B3GALT1: variants seen among roughly 807,000 people sequenced by gnomAD.
B3GALT1 encodes the protein UDP-Gal:betaGlcNAc beta 1,3-galactosyltransferase, polypeptide 1.
B3GALT1 carries 10 observed loss-of-function variants against 23.2 expected under a neutral mutation model. The ratio of observed to expected loss-of-function variants is 0.43; its 90% CI spans 0.27 to 0.73. B3GALT1 has a LOEUF of 0.73. Among genes scored for constraint, B3GALT1 ranks in the 30% least tolerant of loss-of-function variants. The pLI, the probability that B3GALT1 is intolerant of heterozygous loss-of-function variation, is 0.21. For synonymous variants in B3GALT1, 156 were observed against 141.5 expected, an observed-to-expected ratio of 1.10 and a Z score of -0.73; for missense variants, 299 against 405.4, an observed-to-expected ratio of 0.74 and a Z score of 2.25.
intron 1 of B3GALT1, among the ~76,000 whole-genome samples, chr2:167,331,236 C>T (rs935387629): frequency 2.6e-5 from 4 of 152,134 alleles, no homozygotes; most frequent in African/African-American, 9.7e-5. Flanking sequence ...ATGATCACAG[C>T]GGGCTGAACA....
At chr2:167,346,013 A>T (rs1007620737) in intron 1 of B3GALT1, among the ~76,000 whole-genome samples, 12 of 151,124 alleles carry the variant, frequency 7.9e-5, no homozygotes, top group Non-Finnish European at 1.5e-4. Flanking sequence ...TGGTCATCTT[A>T]TCTAGATACT....
At chr2:167,459,998 T>C (rs1267399713) in intron 1 of B3GALT1, among the ~76,000 whole-genome samples, 3 of 144,784 alleles carry the variant, frequency 2.1e-5, no homozygotes, top group Non-Finnish European at 4.4e-5. Context: ...TGAGAATCCC[T>C]GTATGTGAGA....
At chr2:167,854,781 G>C (rs1689967605) in intron 4 of B3GALT1, among the ~76,000 whole-genome samples, 1 of 152,126 alleles carries the variant, frequency 6.6e-6, no homozygotes, top group African/African-American at 2.4e-5. Flanking sequence ...AGAGGAGTTG[G>C]CTAAACTGCC....
intron 2 of B3GALT1, among the ~76,000 whole-genome samples, chr2:167,624,150 A>G (rs1364001267): frequency 6.6e-6 from 1 of 152,054 alleles, no homozygotes; most frequent in Non-Finnish European, 1.5e-5. Flanking sequence ...CAGGCCTCAA[A>G]CCAAGATGTT....
chr2:167,562,325 C>G (rs188460911), intron 2 of B3GALT1, among the ~76,000 whole-genome samples: 5,175 of 152,232 alleles, frequency 0.034, 148 homozygotes, highest in African/African-American at 0.081. Context: ...TAAGAGCTAT[C>G]TATGACAAAC....
intron 1 of B3GALT1, among the ~76,000 whole-genome samples, chr2:167,456,900 T>A (rs1342865006): frequency 6.6e-6 from 1 of 152,112 alleles, no homozygotes; most frequent in Non-Finnish European, 1.5e-5. Flanking sequence ...GTAGGCATGA[T>A]TAATTAAATC....
intron 3 of B3GALT1, among the ~76,000 whole-genome samples, chr2:167,762,258 A>G (rs552917822): frequency 6.6e-6 from 1 of 152,326 alleles, no homozygotes; most frequent in East Asian, 1.9e-4. Context: ...TGAAAATAAG[A>G]TTTAAAACAA....
chr2:167,411,569 T>A (rs1035722797), intron 1 of B3GALT1, among the ~76,000 whole-genome samples: 3 of 152,138 alleles, frequency 2.0e-5, no homozygotes, highest in African/African-American at 7.2e-5. Context: ...GGCAATGACA[T>A]CTGCTGGTGA....
chr2:167,836,827 T>G (rs1260326508), intron 4 of B3GALT1, among the ~76,000 whole-genome samples: 1 of 152,172 alleles, frequency 6.6e-6, no homozygotes, highest in Admixed American at 6.5e-5. Flanking sequence ...ACAGCGGATC[T>G]CTCGGGAGAA....
chr2:167,668,584 G>A (rs112642952), intron 3 of B3GALT1, among the ~76,000 whole-genome samples: 3 of 152,170 alleles, frequency 2.0e-5, no homozygotes, highest in African/African-American at 4.8e-5. Flanking sequence ...TCAGACTGCT[G>A]TGCTAGCAAT....
intron 3 of B3GALT1, among the ~76,000 whole-genome samples, chr2:167,803,515 T>C (rs1284749543): frequency 6.6e-6 from 1 of 152,168 alleles, no homozygotes; most frequent in Non-Finnish European, 1.5e-5. Context: ...TTGGAAAACA[T>C]GTTGTTGGAT....
At chr2:167,342,645 AG>A (rs1211221912) in intron 1 of B3GALT1, among the ~76,000 whole-genome samples, 4 of 151,736 alleles carry the variant, frequency 2.6e-5, no homozygotes, top group African/African-American at 7.3e-5. Flanking sequence ...GCTGGAAATG[AG>A]TGCATGCCAC....
intron 3 of B3GALT1, among the ~76,000 whole-genome samples, chr2:167,692,840 A>G (rs1033947309): frequency 1.3e-5 from 2 of 152,028 alleles, no homozygotes; most frequent in African/African-American, 2.4e-5. Flanking sequence ...GGGCTCTGCT[A>G]TTTTAACTCA....
At chr2:167,391,798 G>A (rs1308633564) in intron 1 of B3GALT1, among the ~76,000 whole-genome samples, 3 of 152,094 alleles carry the variant, frequency 2.0e-5, no homozygotes, top group Non-Finnish European at 4.4e-5. Flanking sequence ...TATAAGGAGA[G>A]CAGGTTGCCT....
In B3GALT1 at chr2:167,563,411, T is replaced by C. The variant is rs1463112373; in HGVS notation, c.-410+73134T>C. On this transcript the variant is annotated intron_variant, in intron 2 of 4. Transcript: ENST00000392690. ...CGGGGCGGCTGGCCGGGCGGGGGGC[T>C]GACCCCTCCACCTCCCTCCCGGACA... 3.5e-4 allele frequency among the ~76,000 whole-genome samples: 37 copies of C among 105,672 alleles called. No individual in the cohort carries two copies. In the East Asian group the frequency reaches 8.7e-3, roughly 25 times the overall value. The allele number at this position is 105,672 out of a possible 152,430, so 69.3% of individuals were successfully genotyped here.
chr2:167,555,688 T>C (rs1683834059), intron 2 of B3GALT1, among the ~76,000 whole-genome samples: 1 of 152,156 alleles, frequency 6.6e-6, no homozygotes, highest in Admixed American at 6.5e-5. Flanking sequence ...GTTACAGTCT[T>C]CATTAGAAAA....
chr2:167,600,254 A>G (rs1049132551), intron 2 of B3GALT1, among the ~76,000 whole-genome samples: 1 of 152,170 alleles, frequency 6.6e-6, no homozygotes, highest in Non-Finnish European at 1.5e-5. Flanking sequence ...CCTCTTTTAC[A>G]ACTCCAAGGC....
chr2:167,830,276 G>A (rs1317306139), intron 4 of B3GALT1, among the ~76,000 whole-genome samples: 1 of 151,980 alleles, frequency 6.6e-6, no homozygotes, highest in Non-Finnish European at 1.5e-5. Context: ...TGGGAGCAGG[G>A]GTCAGTAGCG....
chr2:167,310,291 GT>G, intron 1 of B3GALT1, among the ~76,000 whole-genome samples: 1 of 151,900 alleles, frequency 6.6e-6, no homozygotes, highest in Non-Finnish European at 1.5e-5. Context: ...GACAGTGTTT[GT>G]TTATTTACGT....
Sources: gnomAD v4.1 joint callset for allele counts (sites outside exome capture counted in the v4.1 genomes callset) on GRCh38, gnomAD v4.1.1 for gene constraint, MANE v1.5 for transcripts, NCBI Gene and HGNC (gene_info 2026-07-23, HGNC 2026-07-21) for gene names.